The following ANO2 variants were observed in gnomAD, a reference collection of about 807,000 sequenced individuals.
The protein encoded by ANO2 is anoctamin 2, also known as anoctamin-2.
A neutral mutation model predicts 124.2 loss-of-function variants in ANO2; 101 were observed. The ratio of observed to expected loss-of-function variants is 0.81; its 90% CI spans 0.69 to 0.96. The LOEUF (loss-of-function observed/expected upper bound fraction) is 0.96. Among genes scored for constraint, ANO2 ranks in the 40% least tolerant of loss-of-function variants. The probability of loss-of-function intolerance (pLI) is 0.00; values close to 1 mark genes in which losing one functional copy is unlikely to be tolerated. For synonymous variants in ANO2, 486 were observed against 482.5 expected (o/e 1.01, Z -0.09); for missense variants, 1,293 against 1,274.5 (o/e 1.01, Z -0.22).
intron 23 of ANO2, among the ~76,000 whole-genome samples, chr12:5,572,939 A>G (rs913399643): frequency 7.9e-5 from 12 of 152,188 alleles, no homozygotes; most frequent in African/African-American, 2.7e-4. Flanking sequence ...AGAGCCTTAT[A>G]GCTGGCCGGA....
Position 5,595,371 on chromosome 12 carries a change from T to TTTTTC in ANO2, c.2233+4108_2233+4112dup, listed in dbSNP as rs564691192. Among the ~76,000 whole-genome samples, 9 of 151,766 alleles carry TTTTTC rather than the reference T, an allele frequency of 5.9e-5. 1 individual carries two copies. Among genetic ancestry groups the TTTTTC allele is most frequent in the East Asian group, 1.9e-4 (1 of 5,164 alleles). On this transcript the variant is annotated intron_variant, in intron 20 of 24. Coordinates refer to ENST00000682330, the MANE Select transcript of ANO2 (RefSeq NM_001364791.2). ...GTACAACACTACACTCTACTGTTTTTTTTTCTTTTCTTTTCTTTTCTTTTT... is the reference window on the plus strand; with the variant it reads ...GTACAACACTACACTCTACTGTTTTTTTTTCTTTTCTTTTCTTTTCTTTTCTTTTT...
intron 14 of ANO2, among the ~76,000 whole-genome samples, chr12:5,710,032 T>G (rs1949754723): frequency 6.6e-6 from 1 of 152,132 alleles, no homozygotes. Flanking sequence ...AGAGGAGAAA[T>G]GCTAGCCAGG....
chr12:5,692,880 G>A (rs997532064), intron 14 of ANO2, among the ~76,000 whole-genome samples: 1 of 152,098 alleles, frequency 6.6e-6, no homozygotes, highest in Non-Finnish European at 1.5e-5. Flanking sequence ...TGTTTCCGAG[G>A]GCCAATCACC....
At chr12:5,595,114 A>C (rs1405278227) in intron 20 of ANO2, among the ~76,000 whole-genome samples, 1 of 152,238 alleles carries the variant, frequency 6.6e-6, no homozygotes, top group Non-Finnish European at 1.5e-5. Context: ...AACTCTGTCA[A>C]GAAACCTTTT....
intron 3 of ANO2, among the ~76,000 whole-genome samples, chr12:5,868,054 A>C (rs895611151): frequency 6.6e-6 from 1 of 152,204 alleles, no homozygotes; most frequent in South Asian, 2.1e-4. Context: ...AAAATAACTA[A>C]AAGAGTACAA....
intron 15 of ANO2, among the ~76,000 whole-genome samples, chr12:5,645,049 T>G (rs1946561156): frequency 2.0e-5 from 3 of 152,238 alleles, no homozygotes; most frequent in Non-Finnish European, 4.4e-5. Flanking sequence ...GATTTATTTT[T>G]ACTTTTTCTG....
intron 4 of ANO2, among the ~76,000 whole-genome samples, chr12:5,839,961 G>A (rs930541030): frequency 1.3e-5 from 2 of 152,126 alleles, no homozygotes; most frequent in African/African-American, 4.8e-5. Context: ...AAGAAAGTAG[G>A]CTGTAGTGCC....
chr12:5,889,648 C>T (rs992255825), intron 3 of ANO2, among the ~76,000 whole-genome samples: 7 of 152,246 alleles, frequency 4.6e-5, no homozygotes. Flanking sequence ...TTCCTCTTTA[C>T]ACAGCCCCTG....
At chr12:5,670,653 C>A (rs1000794101) in intron 14 of ANO2, among the ~76,000 whole-genome samples, 3 of 152,120 alleles carry the variant, frequency 2.0e-5, no homozygotes, top group Non-Finnish European at 4.4e-5. Flanking sequence ...TCCCACCACA[C>A]CCTCCCAAGT....
chr12:5,587,945 C>T (rs1400806610), intron 20 of ANO2, among the ~76,000 whole-genome samples: 1 of 152,230 alleles, frequency 6.6e-6, no homozygotes. Context: ...TCTCCCCCTG[C>T]TGCCTCCCTC....
intron 14 of ANO2, among the ~76,000 whole-genome samples, chr12:5,677,022 C>G (rs2136995352): frequency 6.6e-6 from 1 of 151,976 alleles, no homozygotes; most frequent in Non-Finnish European, 1.5e-5. Flanking sequence ...TCACTACACT[C>G]CAGCCTGGGT....
At chr12:5,583,570 G>A (rs1038117259) in intron 20 of ANO2, among the ~76,000 whole-genome samples, 6 of 146,370 alleles carry the variant, frequency 4.1e-5, no homozygotes, top group African/African-American at 7.7e-5. Context: ...GGAGAATGGC[G>A]TGAACCTGGG....
At chr12:5,869,935 T>G (rs1955526772) in intron 3 of ANO2, among the ~76,000 whole-genome samples, 1 of 152,176 alleles carries the variant, frequency 6.6e-6, no homozygotes, top group African/African-American at 2.4e-5. Context: ...ACATAACTAC[T>G]GCCTTGAACC....
chr12:5,680,680 A>G (rs1948452799), intron 14 of ANO2, among the ~76,000 whole-genome samples: 1 of 152,244 alleles, frequency 6.6e-6, no homozygotes, highest in Non-Finnish European at 1.5e-5. Context: ...CTAAATGAGC[A>G]CCTGCCAGAA....
At chr12:5,630,137 T>C (rs575610811) in intron 16 of ANO2, among the ~76,000 whole-genome samples, 8 of 152,324 alleles carry the variant, frequency 5.3e-5, no homozygotes, top group South Asian at 2.1e-4. Context: ...TGGGAAACAC[T>C]TGGGGACTTA....
At chr12:5,734,963 T>G (rs939843025) in intron 13 of ANO2, among the ~76,000 whole-genome samples, 1 of 152,152 alleles carries the variant, frequency 6.6e-6, no homozygotes, top group Non-Finnish European at 1.5e-5. Flanking sequence ...ACCCTTAACT[T>G]TTTAAAGCAA....
rs776892430 is a variant in ANO2 at position 5,921,186 on chromosome 12, C to T, written c.388G>A (p.Glu130Lys). Residue 130 changes from glutamate to lysine, a missense_variant, in exon 3 of 25, where the codon GAG becomes AAG. Transcript: ENST00000682330. The stretch of plus-strand genomic sequence containing the variant: ...CCAGCATGAGGCTCCTTGCCTGTCT[C>T]CCCATTGGAGACGATAGCCAGCGAG... ...GHSLAIVSNG[E>K]TGKEPHAGGP... 1.9e-6 allele frequency: 3 copies of T among 1,613,930 alleles called. No homozygotes were observed. In the South Asian group the frequency reaches 3.3e-5, roughly 18 times the overall value.
rs190851692 is a variant in ANO2, at chr12:5,677,117, G to A, written c.1546-29316C>T. Among the ~76,000 whole-genome samples, 9 of 150,902 alleles carry A rather than the reference G, an allele frequency of 6.0e-5. No homozygotes were observed. In the East Asian group the frequency reaches 1.8e-3, roughly 30 times the overall value. ...TTCAGGCATAAGAGAAGAGACGGGG[G>A]TCTCAGGATTGGGGGGGAGAATGAT... On this transcript the variant is annotated intron_variant, in intron 14 of 24. Transcript: ENST00000682330.
chr12:5,781,920 T>C (rs1807978677), intron 10 of ANO2, among the ~76,000 whole-genome samples: 1 of 152,264 alleles, frequency 6.6e-6, no homozygotes, highest in South Asian at 2.1e-4. Context: ...AAATAATGTT[T>C]CTGCTGCAGT....
Sources: allele counts gnomAD v4.1 joint callset (sites outside exome capture counted in the v4.1 genomes callset), GRCh38; gene constraint gnomAD v4.1.1; transcripts MANE v1.5; gene names NCBI Gene and HGNC (gene_info 2026-07-23, HGNC 2026-07-21).